WDR17: variants seen among roughly 807,000 people sequenced by gnomAD.
WDR17 encodes the protein WD repeat domain 17.
A neutral mutation model predicts 161.7 loss-of-function variants in WDR17; 143 were observed. That is an observed-to-expected ratio of 0.88 (90% CI 0.77 to 1.02). WDR17 has a LOEUF of 1.02. WDR17 is among the 50% of genes least tolerant of loss of function. The probability of loss-of-function intolerance (pLI) is 0.00; values close to 1 mark genes in which losing one functional copy is unlikely to be tolerated. For missense variants in WDR17, 1,469 were observed against 1,520.9 expected (o/e 0.97, Z 0.57); for synonymous variants, 517 against 515.6 (o/e 1.00, Z -0.04).
At chr4:176,100,352 A>T (rs542954149) in intron 1 of WDR17, among the ~76,000 whole-genome samples, 1 of 152,050 alleles carries the variant, frequency 6.6e-6, no homozygotes, top group Non-Finnish European at 1.5e-5. Context: ...GCATTTTTTC[A>T]TATACCTCTT....
intron 2 of WDR17, among the ~76,000 whole-genome samples, chr4:176,112,114 A>G (rs1739866158): frequency 1.3e-5 from 2 of 152,192 alleles, no homozygotes; most frequent in South Asian, 2.1e-4. Context: ...TTCTTCATAT[A>G]GAAGTGCCAT....
chr4:176,160,992 G>C lies in WDR17; in HGVS notation c.2740G>C (p.Asp914His). The change falls in exon 20 of 29, where the codon GAC (aspartate) becomes CAC (histidine). Residue 914 changes from aspartate to histidine, a missense_variant. Physicochemically the swap from Asp to His is moderately conservative, Grantham distance 81. Transcript: ENST00000508596. ...ATATTCTGATGATATCTACAAGGAAGACTTTAATGAGTGAGTGATTTATTT... is the reference window on the plus strand; with the variant it reads ...ATATTCTGATGATATCTACAAGGAACACTTTAATGAGTGAGTGATTTATTT... ...ASYSDDIYKE[D>H]FNELLHKVSK... 6.2e-7 allele frequency: 1 copy of C among 1,607,706 alleles called. No homozygotes were observed. Among genetic ancestry groups the C allele is most frequent in the Non-Finnish European group, 8.5e-7 (1 of 1,177,150 alleles).
Position 176,181,444 on chromosome 4 carries a change from G to C in WDR17, c.*1865G>C, listed in dbSNP as rs989774324. ...ATCGCACTACTGCACTCCAGCCTGG[G>C]CGACAGAGCAAGACCACCATCTCCA... On this transcript the variant is annotated 3_prime_UTR_variant, in exon 29 of 29. Transcript: ENST00000508596. 2 of 205,900 alleles carry C rather than the reference G, an allele frequency of 9.7e-6. No individual in the cohort carries two copies. The highest frequency in any genetic ancestry group is 4.8e-5 in the African/African-American group (2 of 42,092). The allele number at this position is 205,900 out of a possible 1,614,324, so 12.8% of individuals were successfully genotyped here. A position where few individuals can be genotyped will look rare whatever the true frequency, so the allele number is the denominator to read the frequency against.
intron 1 of WDR17, among the ~76,000 whole-genome samples, chr4:176,108,075 A>G (rs1023116708): frequency 2.0e-5 from 3 of 150,498 alleles, no homozygotes; most frequent in Non-Finnish European, 4.4e-5. Context: ...GTCTCTTTCT[A>G]TCACCCAGGC....
intron 3 of WDR17, among the ~76,000 whole-genome samples, chr4:176,119,226 A>G (rs1348659026): frequency 6.6e-6 from 1 of 152,030 alleles, no homozygotes; most frequent in Non-Finnish European, 1.5e-5. Context: ...TACATAAATG[A>G]TTTTATTTCC....
chr4:176,135,327 G>T (rs1255824512), intron 8 of WDR17, 51 bp downstream of exon 8: 4 of 1,586,706 alleles, frequency 2.5e-6, no homozygotes, highest in Non-Finnish European at 3.5e-6. Context: ...GCTTTTTAAA[G>T]TTTTATTTTC....
intron 2 of WDR17, among the ~76,000 whole-genome samples, chr4:176,113,111 A>G (rs544871414): frequency 7.2e-5 from 11 of 151,990 alleles, no homozygotes; most frequent in African/African-American, 2.4e-4. Flanking sequence ...CATACACAAC[A>G]CAGCAGCAAG....
chr4:176,163,382 G>A, intron 22 of WDR17, 89 bp downstream of exon 22: 4 of 1,381,064 alleles, frequency 2.9e-6, no homozygotes, highest in Non-Finnish European at 3.9e-6. Context: ...GATATGCATT[G>A]GGAGAATATA....
chr4:176,092,475 G>A (rs945630631), intron 1 of WDR17, among the ~76,000 whole-genome samples: 13 of 152,062 alleles, frequency 8.5e-5, no homozygotes, highest in African/African-American at 3.1e-4. Context: ...ATACTGAATG[G>A]GAAAAATCTG....
chr4:176,119,755 A>T, intron 3 of WDR17, 112 bp from the exon 4 acceptor site: 1 of 931,364 alleles, frequency 1.1e-6, no homozygotes. Flanking sequence ...TAAGAAAGTA[A>T]TGTATCTTAA....
intron 1 of WDR17, among the ~76,000 whole-genome samples, chr4:176,089,536 A>T (rs1735845499): frequency 6.6e-6 from 1 of 152,038 alleles, no homozygotes. Flanking sequence ...TGCATGTATG[A>T]GTGCCAAGTG....
At chr4:176,178,382 A>G (rs1751768357) in intron 28 of WDR17, among the ~76,000 whole-genome samples, 1 of 152,210 alleles carries the variant, frequency 6.6e-6, no homozygotes, top group African/African-American at 2.4e-5. Context: ...AAATATTTGG[A>G]GTATGTCATC....
At chr4:176,144,870 C>A (rs1745912885) in intron 11 of WDR17, among the ~76,000 whole-genome samples, 1 of 151,770 alleles carries the variant, frequency 6.6e-6, no homozygotes, top group South Asian at 2.1e-4. Context: ...CTTTATGTAT[C>A]TGTATATACA....
At chr4:176,152,108 G>C (rs770495133) in intron 17 of WDR17, 141 bp downstream of exon 17, 3 of 724,606 alleles carry the variant, frequency 4.1e-6, no homozygotes, top group African/African-American at 1.8e-5. Flanking sequence ...CCAGGAGTTC[G>C]ATACTAGCCT....
At chr4:176,138,951 A>T (rs1488956758) in intron 9 of WDR17, among the ~76,000 whole-genome samples, 1 of 151,870 alleles carries the variant, frequency 6.6e-6, no homozygotes, top group Non-Finnish European at 1.5e-5. Flanking sequence ...AGAGTCATAA[A>T]TGCAATTTTC....
At chr4:176,178,094 T>C (rs1751735924) in intron 28 of WDR17, among the ~76,000 whole-genome samples, 1 of 147,154 alleles carries the variant, frequency 6.8e-6, no homozygotes, top group African/African-American at 2.5e-5. Flanking sequence ...TCTAATGTAA[T>C]GTGAAAAGTC....
In WDR17 at chr4:176,120,067, A is replaced by G. The variant is rs754286677; in HGVS notation, c.508A>G (p.Ile170Val). The G allele has an allele frequency of 1.2e-6, 2 of 1,613,926 alleles. No homozygotes were observed. The highest frequency in any genetic ancestry group is 1.7e-6 in the Non-Finnish European group (2 of 1,179,866). ...HQKGKVVFGH[I>V]DGSLSIFHPG... ...AAAGGGGAAAGTTGTGTTTGGTCAT[A>G]TTGATGGAAGTCTATCAATTTTTCA... Residue 170 changes from isoleucine to valine, a missense_variant, in exon 4 of 29, where the codon ATT (isoleucine) becomes GTT (valine). By Grantham distance (29) the Ile-to-Val change is conservative. Transcript: ENST00000508596.
intron 1 of WDR17, 116 bp from the exon 2 acceptor site, chr4:176,111,459 C>T: frequency 8.9e-7 from 1 of 1,124,316 alleles, no homozygotes; most frequent in Non-Finnish European, 1.2e-6. Flanking sequence ...ATTAATAGTA[C>T]TAGTAAAATG....
intron 12 of WDR17, 83 bp from the exon 13 acceptor site, chr4:176,148,050 T>A: frequency 8.5e-7 from 1 of 1,182,726 alleles, no homozygotes; most frequent in Non-Finnish European, 1.2e-6. Flanking sequence ...AACAAATAAT[T>A]ATTATACTCT....
Sources: gnomAD v4.1 joint callset for allele counts (sites outside exome capture counted in the v4.1 genomes callset) on GRCh38, gnomAD v4.1.1 for gene constraint, MANE v1.5 for transcripts, NCBI Gene and HGNC (gene_info 2026-07-23, HGNC 2026-07-21) for gene names.